Variants in AKAP8 observed in about 807,000 individuals in gnomAD.
The protein encoded by AKAP8 is A-kinase anchoring protein 8.
A neutral mutation model predicts 67.5 loss-of-function variants in AKAP8; 24 were observed. The ratio of observed to expected loss-of-function variants is 0.36; its 90% CI spans 0.26 to 0.50. The LOEUF is 0.50. AKAP8 is among the 20% of genes least tolerant of loss of function. The pLI, the probability that AKAP8 is intolerant of heterozygous loss-of-function variation, is 0.97. For missense variants in AKAP8, 971 were observed against 955.9 expected, an observed-to-expected ratio of 1.02 and a Z score of -0.21; for synonymous variants, 400 against 371.1, an observed-to-expected ratio of 1.08 and a Z score of -0.90.
At chr19:15,363,671 T>C (rs1391491846) in intron 9 of AKAP8, among the ~76,000 whole-genome samples, 1 of 151,904 alleles carries the variant, frequency 6.6e-6, no homozygotes, top group African/African-American at 2.4e-5. Flanking sequence ...CAACAGCTCA[T>C]TGAGAACGGG....
At chr19:15,377,253 G>A (rs1284328640) in intron 1 of AKAP8, among the ~76,000 whole-genome samples, 3 of 152,158 alleles carry the variant, frequency 2.0e-5, no homozygotes, top group Non-Finnish European at 2.9e-5. Flanking sequence ...AGTCAGCTCC[G>A]CCCTGCAGAG....
chr19:15,356,998 G>A (rs188099648), intron 13 of AKAP8, among the ~76,000 whole-genome samples: 1,992 of 152,094 alleles, frequency 0.013, 26 homozygotes, highest in Non-Finnish European at 0.021. Context: ...TTGGTCTGTC[G>A]CCAAGGCTGG....
At chr19:15,370,119 A>G (rs760443333) in intron 8 of AKAP8, 27 bp downstream of exon 8, 1 of 1,613,980 alleles carries the variant, frequency 6.2e-7, no homozygotes. Context: ...GACACAGGAA[A>G]GCTGCAAGGG....
At chr19:15,379,500 G>A (rs557068060) in intron 1 of AKAP8, 7 of 492,630 alleles carry the variant, frequency 1.4e-5, no homozygotes, top group East Asian at 1.1e-4. Flanking sequence ...CCGCCTCCTC[G>A]GGGCCTGGCG....
At chr19:15,356,126 C>T (rs1046613793) in intron 13 of AKAP8, among the ~76,000 whole-genome samples, 1 of 151,826 alleles carries the variant, frequency 6.6e-6, no homozygotes, top group Admixed American at 6.6e-5. Context: ...TGAGGCCGGG[C>T]GTGATGGCTC....
Position 15,372,912 on chromosome 19 carries a change from T to C in AKAP8, c.800A>G (p.Tyr267Cys), listed in dbSNP as rs761984246. 6 of 1,520,346 alleles carry C rather than the reference T, an allele frequency of 3.9e-6. No individual in the cohort carries two copies. The highest frequency in any genetic ancestry group is 1.3e-5 in the South Asian group (1 of 75,966). 94.2% of individuals were successfully genotyped at this position (1,520,346 alleles called of 1,614,324 possible). A position where few individuals can be genotyped will look rare whatever the true frequency, so the allele number is the denominator to read the frequency against. ...ACATCCGTAGGGCATGGTGCTGTCATAGCCGCCCGCCCCCTGCATGCCCAT... is the reference window on the plus strand; with the variant it reads ...ACATCCGTAGGGCATGGTGCTGTCACAGCCGCCCGCCCCCTGCATGCCCAT... ...GVMGMQGAGG[Y>C]DSTMPYGCGR... Residue 267 changes from tyrosine (Y) to cysteine (C), a missense_variant, in exon 5 of 14, where the codon TAT (tyrosine) becomes TGT (cysteine). Around this residue, in one of 3 missense-constraint regions of AKAP8, gnomAD observed 763 missense variants for 745.4 expected, o/e 1.02. Coordinates refer to ENST00000269701, the MANE Select transcript of AKAP8 (RefSeq NM_005858.4).
At chr19:15,379,331 A>C in intron 1 of AKAP8, 2 of 233,476 alleles carry the variant, frequency 8.6e-6, no homozygotes, top group Non-Finnish European at 1.6e-5. Context: ...TAGCGCCGCC[A>C]TTTTGTGGCG....
chr19:15,379,725 G>T lies in AKAP8; in HGVS notation c.7C>A (p.Gln3Lys). 6.2e-7 allele frequency: 1 copy of T among 1,611,914 alleles called. No individual in the cohort carries two copies. Among genetic ancestry groups the T allele is most frequent in the Non-Finnish European group, 8.5e-7 (1 of 1,179,228 alleles). Residue 3 changes from glutamine (Q) to lysine (K), a missense_variant, in exon 1 of 14, where the codon CAG (glutamine) becomes AAG (lysine). By Grantham distance (53) the Gln-to-Lys change is moderately conservative. Around this residue, in one of 3 missense-constraint regions of AKAP8, gnomAD observed 763 missense variants for 745.4 expected, o/e 1.02. Coordinates refer to ENST00000269701, the MANE Select transcript of AKAP8 (RefSeq NM_005858.4). Reference protein sequence around the residue: MDQGYGGYGAWSA... With the variant: MDKGYGGYGAWSA... ...AGCCAACACAAACCTCCGTAGCCCT[G>T]GTCCATGTCTTCGACGCGGCCCACC...
In AKAP8 at chr19:15,360,885, C is replaced by T. The variant is rs775251991; in HGVS notation, c.1490G>A (p.Arg497Gln). ...ATTGTGGTCCACGGAGTGCAGGTGC[C>T]GCTGGAGGAGCTGCGGCTGTGCAGG... ...LIPAQPQLLQ[R>Q]HLHSVDHNHN... The change falls in exon 12 of 14, where the codon CGG becomes CAG. Residue 497 changes from arginine (R) to glutamine (Q), a missense_variant. Arg to Gln is a conservative substitution (Grantham distance 43). Transcript: ENST00000269701. 2.1e-5 allele frequency: 34 copies of T among 1,613,442 alleles called. No individual in the cohort carries two copies. The highest frequency in any genetic ancestry group is 7.7e-5 in the South Asian group (7 of 90,974).
rs776598548 is a variant in AKAP8, at chr19:15,354,995, C to T, written c.1999G>A (p.Val667Ile). 1.2e-6 allele frequency: 2 copies of T among 1,614,226 alleles called. No individual in the cohort carries two copies. The highest frequency in any genetic ancestry group is 2.2e-5 in the South Asian group (2 of 91,088). Residue 667 changes from valine to isoleucine, a missense_variant, in exon 14 of 14, where the codon GTT (valine) becomes ATT (isoleucine). Physicochemically the swap from Val to Ile is conservative, Grantham distance 29 (BLOSUM62 3). Transcript: ENST00000269701. ...TCCGCGGCAGCTGGGGCAGGAGCAACTCTGGTTTGGGCACTTTCTGCCTCT... is the reference window on the plus strand; with the variant it reads ...TCCGCGGCAGCTGGGGCAGGAGCAATTCTGGTTTGGGCACTTTCTGCCTCT... ...AAEAESAQTR[V>I]APAPAAADAE...
intron 1 of AKAP8, chr19:15,379,456 C>T: frequency 2.2e-6 from 1 of 459,378 alleles, no homozygotes; most frequent in Admixed American, 4.5e-5. Flanking sequence ...CCCACGAAGC[C>T]CACCGCGGCG....
At chr19:15,363,462 C>T (rs1344078599) in intron 9 of AKAP8, among the ~76,000 whole-genome samples, 2 of 143,386 alleles carry the variant, frequency 1.4e-5, no homozygotes, top group Non-Finnish European at 1.5e-5. Flanking sequence ...CCCGGCCAGC[C>T]GCCCCGTCCG....
At chr19:15,361,876 C>T in intron 10 of AKAP8, 54 bp from the exon 11 acceptor site, 1 of 1,526,600 alleles carries the variant, frequency 6.6e-7, no homozygotes, top group Non-Finnish European at 9.1e-7. Flanking sequence ...CGCATGTGGG[C>T]ATTTCTCAAC....
At chr19:15,362,565 G>C (rs1966987594) in intron 9 of AKAP8, among the ~76,000 whole-genome samples, 1 of 151,652 alleles carries the variant, frequency 6.6e-6, no homozygotes, top group Non-Finnish European at 1.5e-5. Context: ...TCGCTGTGTT[G>C]GCCGGGCTGG....
intron 3 of AKAP8, among the ~76,000 whole-genome samples, chr19:15,374,367 C>T (rs976529242): frequency 6.6e-6 from 1 of 152,204 alleles, no homozygotes; most frequent in African/African-American, 2.4e-5. Flanking sequence ...ACAGGCCCCA[C>T]AAAGGACCGC....
At chr19:15,371,786 C>T (rs1467237998) in intron 7 of AKAP8, among the ~76,000 whole-genome samples, 166 bp downstream of exon 7, 3 of 152,076 alleles carry the variant, frequency 2.0e-5, no homozygotes, top group African/African-American at 4.8e-5. Flanking sequence ...ACCGTGCCGG[C>T]TAAGGTGGAA....
intron 12 of AKAP8, 21 bp downstream of exon 12, chr19:15,360,827 A>G (rs556604739): frequency 6.2e-7 from 1 of 1,608,132 alleles, no homozygotes; most frequent in Non-Finnish European, 8.5e-7. Flanking sequence ...CACCCCAGGC[A>G]GTGTGGGGAG....
chr19:15,366,086 CTT>C (rs375441663), intron 9 of AKAP8, among the ~76,000 whole-genome samples: 2 of 92,212 alleles, frequency 2.2e-5, no homozygotes, highest in African/African-American at 4.5e-5. Flanking sequence ...CTGAAGGTTT[CTT>C]TTTTTTTTTT....
chr19:15,374,586 C>A lies in AKAP8; in HGVS notation c.91+17G>T, dbSNP rs184999432. On this transcript the variant is annotated intron_variant, in intron 3 of 13. Coordinates refer to ENST00000269701, the MANE Select transcript of AKAP8 (RefSeq NM_005858.4). Reference sequence around the variant, plus strand: ...CCCACTTGCCCGCCCACAGACCCCCCCCACAGAAGGGCTTACCTTGCCAGC... The same window carrying A: ...CCCACTTGCCCGCCCACAGACCCCCACCACAGAAGGGCTTACCTTGCCAGC... 6.7e-5 allele frequency: 108 copies of A among 1,612,818 alleles called. No homozygotes were observed. The highest frequency in any genetic ancestry group is 8.9e-5 in the Non-Finnish European group (105 of 1,179,394).
Sources: gnomAD v4.1 joint callset for allele counts (sites outside exome capture counted in the v4.1 genomes callset) on GRCh38, gnomAD v4.1.1 for gene constraint, gnomAD v4.1.1 regional missense constraint, MANE v1.5 for transcripts, NCBI Gene and HGNC (gene_info 2026-07-23, HGNC 2026-07-21) for gene names.